The following ENTREP2 variants were observed in gnomAD, a reference collection of about 807,000 sequenced individuals.
ENTREP2 encodes the protein protein ENTREP2.
chr15:29,125,161 G>C, the ENTREP2 span, among the ~76,000 whole-genome samples: 1 of 152,204 alleles, frequency 6.6e-6, no homozygotes, highest in South Asian at 2.1e-4. Flanking sequence ...CACTGAGAGG[G>C]ACAGGCCCAA....
chr15:29,510,304 G>T, the ENTREP2 span, among the ~76,000 whole-genome samples: 9 of 152,190 alleles, frequency 5.9e-5, no homozygotes, highest in Non-Finnish European at 1.3e-4. Context: ...ATTGGTGGGA[G>T]TATAAATTAG....
the ENTREP2 span, chr15:29,196,390 G>T: frequency 6.5e-7 from 1 of 1,543,134 alleles, no homozygotes; most frequent in Non-Finnish European, 8.8e-7. Flanking sequence ...TGTAAGGCAT[G>T]GAATGAAATG....
the ENTREP2 span, among the ~76,000 whole-genome samples, chr15:29,412,574 G>A: frequency 2.0e-5 from 3 of 151,946 alleles, no homozygotes; most frequent in East Asian, 1.9e-4. Flanking sequence ...GTTCTGTTAC[G>A]TTTTTCTATA....
At chr15:29,601,091 G>T in the ENTREP2 span, among the ~76,000 whole-genome samples, 2 of 149,918 alleles carry the variant, frequency 1.3e-5, no homozygotes, top group Admixed American at 1.3e-4. Context: ...TAGAGACGGG[G>T]TTTCACCGTG....
At chr15:29,278,773 T>G in the ENTREP2 span, among the ~76,000 whole-genome samples, 1 of 152,254 alleles carries the variant, frequency 6.6e-6, no homozygotes, top group Non-Finnish European at 1.5e-5. Flanking sequence ...AAGAATTTAT[T>G]TCTGGAGCCT....
chr15:29,118,671 G>A, the ENTREP2 span, among the ~76,000 whole-genome samples: 4 of 152,196 alleles, frequency 2.6e-5, no homozygotes, highest in South Asian at 2.1e-4. Flanking sequence ...AGATTTCAAC[G>A]TAAATGGCCC....
At chr15:29,382,248 C>T in the ENTREP2 span, among the ~76,000 whole-genome samples, 2 of 139,582 alleles carry the variant, frequency 1.4e-5, no homozygotes, top group African/African-American at 5.9e-5. Flanking sequence ...GGAGGCAGAG[C>T]GAGACTCCAT....
chr15:29,136,238 G>A, the ENTREP2 span: 281,790 of 984,704 alleles, frequency 0.29, 45,106 homozygotes, highest in Non-Finnish European at 0.32. Flanking sequence ...GGCACAGGGC[G>A]CTCATGAGTG....
the ENTREP2 span, among the ~76,000 whole-genome samples, chr15:29,364,168 G>A: frequency 3.3e-5 from 5 of 152,162 alleles, no homozygotes; most frequent in African/African-American, 1.2e-4. Flanking sequence ...TACGTCTTAC[G>A]TTGTACTGCA....
the ENTREP2 span, among the ~76,000 whole-genome samples, chr15:29,460,989 T>C: frequency 0.61 from 92,929 of 152,048 alleles, 28,633 homozygotes; most frequent in South Asian, 0.66. Flanking sequence ...CAAGTTACAA[T>C]TTTCTTATAG....
At chr15:29,137,282 T>C in the ENTREP2 span, 2 of 1,231,956 alleles carry the variant, frequency 1.6e-6, no homozygotes, top group Non-Finnish European at 1.1e-6. Flanking sequence ...GCTTTAATGA[T>C]CAGTTTGGAA....
chr15:29,197,463 A>G, the ENTREP2 span, among the ~76,000 whole-genome samples: 1 of 152,106 alleles, frequency 6.6e-6, no homozygotes, highest in Non-Finnish European at 1.5e-5. Flanking sequence ...TCCTAGATGT[A>G]AAACTACTAA....
chr15:29,402,818 C>T, the ENTREP2 span, among the ~76,000 whole-genome samples: 1 of 152,086 alleles, frequency 6.6e-6, no homozygotes, highest in Non-Finnish European at 1.5e-5. Flanking sequence ...TTTCTGTTTC[C>T]CATGGTTGAT....
the ENTREP2 span, among the ~76,000 whole-genome samples, chr15:29,356,118 A>G: frequency 0.01 from 1,529 of 148,684 alleles, 53 homozygotes; most frequent in African/African-American, 0.037. Context: ...AAACAAGTGC[A>G]TCTTGTTCTA....
chr15:29,181,044 A>C, the ENTREP2 span, among the ~76,000 whole-genome samples: 1 of 152,152 alleles, frequency 6.6e-6, no homozygotes, highest in Non-Finnish European at 1.5e-5. Flanking sequence ...AACTGACAAA[A>C]ATAGGCAAGT....
At chr15:29,307,629 T>C in the ENTREP2 span, among the ~76,000 whole-genome samples, 4 of 152,206 alleles carry the variant, frequency 2.6e-5, no homozygotes, top group Non-Finnish European at 5.9e-5. Flanking sequence ...AGAGATAGGG[T>C]CTTTAGTAGG....
chr15:29,190,618 A>G, the ENTREP2 span, among the ~76,000 whole-genome samples: 4 of 152,320 alleles, frequency 2.6e-5, no homozygotes, highest in East Asian at 1.9e-4. Flanking sequence ...GGTGCCTGAC[A>G]GGAAGCAAGT....
chr15:29,276,021 C>T, the ENTREP2 span, among the ~76,000 whole-genome samples: 2 of 152,224 alleles, frequency 1.3e-5, no homozygotes, highest in African/African-American at 4.8e-5. Context: ...TGTGTCCACA[C>T]ATTTACAACA....
chr15:29,522,823 C>T, the ENTREP2 span, among the ~76,000 whole-genome samples: 1 of 152,162 alleles, frequency 6.6e-6, no homozygotes, highest in South Asian at 2.1e-4. Context: ...TGTGACATGT[C>T]TTTAGCCTCG....
Sources: gnomAD v4.1 joint callset for allele counts (sites outside exome capture counted in the v4.1 genomes callset) on GRCh38, gnomAD v4.1.1 for gene constraint, MANE v1.5 for transcripts, NCBI Gene and HGNC (gene_info 2026-07-23, HGNC 2026-07-21) for gene names.